Variants in TMC1 observed in about 807,000 individuals in gnomAD.
The protein encoded by TMC1 is transmembrane channel-like protein 1.
A neutral mutation model predicts 105.8 loss-of-function variants in TMC1; 84 were observed. The ratio of observed to expected loss-of-function variants is 0.79; its 90% CI spans 0.67 to 0.95. The LOEUF (loss-of-function observed/expected upper bound fraction) is 0.95, where lower values mean the gene tolerates loss of function less well. TMC1 is among the 40% of genes least tolerant of loss of function. The probability of loss-of-function intolerance (pLI) is 0.00; values close to 1 mark genes in which losing one functional copy is unlikely to be tolerated. For missense variants in TMC1, 817 were observed against 914.1 expected, an observed-to-expected ratio of 0.89 and a Z score of 1.37; for synonymous variants, 315 against 311.5, an observed-to-expected ratio of 1.01 and a Z score of -0.12.
At chr9:72,807,915 G>C (rs922368920) in intron 18 of TMC1, among the ~76,000 whole-genome samples, 1 of 152,136 alleles carries the variant, frequency 6.6e-6, no homozygotes, top group Non-Finnish European at 1.5e-5. Flanking sequence ...TCCATCACCA[G>C]CTTTCCTTCT....
chr9:72,523,861 A>ATG (rs927332076), intron 1 of TMC1, among the ~76,000 whole-genome samples: 2 of 152,240 alleles, frequency 1.3e-5, no homozygotes, highest in Non-Finnish European at 2.9e-5. Context: ...GGCCTGAAAC[A>ATG]GCATATTATA....
chr9:72,621,695 A>G (rs997831290), intron 3 of TMC1, among the ~76,000 whole-genome samples: 8 of 152,230 alleles, frequency 5.3e-5, no homozygotes, highest in African/African-American at 1.9e-4. Flanking sequence ...TCAGTGTCTG[A>G]GAATTTGTTC....
intron 8 of TMC1, among the ~76,000 whole-genome samples, chr9:72,736,745 A>C (rs1827305080): frequency 6.6e-6 from 1 of 152,216 alleles, no homozygotes; most frequent in South Asian, 2.1e-4. Flanking sequence ...CTTGATGCCA[A>C]ATAACTGAAG....
In TMC1 at chr9:72,551,144, A is replaced by G. The variant is rs924897367; in HGVS notation, c.-427-26758A>G. Among the ~76,000 whole-genome samples the G allele has an allele frequency of 2.6e-5, 4 of 152,184 alleles. No individual in the cohort carries two copies. The South Asian group carries it at 6.2e-4, about 24-fold the overall frequency. On this transcript the variant is annotated intron_variant, in intron 1 of 23. Transcript: ENST00000297784. ...GACAAGAAAATAATTGGCCCTGTAG[A>G]GGTTATAAAAGAAGGGTGGTCCTTC... is the stretch of plus-strand genomic sequence containing the variant.
At chr9:72,555,200 T>G (rs970768858) in intron 1 of TMC1, among the ~76,000 whole-genome samples, 25 of 150,124 alleles carry the variant, frequency 1.7e-4, no homozygotes, top group African/African-American at 4.9e-4. Flanking sequence ...TCTGTTTTTT[T>G]TTTTTTTTTT....
At chr9:72,787,047 C>T (rs912074432) in intron 13 of TMC1, among the ~76,000 whole-genome samples, 2 of 150,728 alleles carry the variant, frequency 1.3e-5, no homozygotes, top group African/African-American at 4.9e-5. Flanking sequence ...TTTTGTATGG[C>T]TTTTCATACC....
chr9:72,813,265 A>C (rs1828733321), intron 18 of TMC1, among the ~76,000 whole-genome samples: 1 of 152,170 alleles, frequency 6.6e-6, no homozygotes, highest in African/African-American at 2.4e-5. Context: ...TAAAAATTTA[A>C]AATATAATAT....
chr9:72,752,424 A>G (rs759301683), intron 11 of TMC1, among the ~76,000 whole-genome samples: 7 of 149,944 alleles, frequency 4.7e-5, no homozygotes, highest in African/African-American at 7.5e-5. Flanking sequence ...TCCCCCTAAG[A>G]TACAAAGTAA....
chr9:72,801,449 A>G (rs1025069981), intron 17 of TMC1, among the ~76,000 whole-genome samples: 8 of 152,210 alleles, frequency 5.3e-5, no homozygotes, highest in Non-Finnish European at 1.0e-4. Context: ...CAGGAGCCCC[A>G]GTTCAGCCTA....
At chr9:72,630,255 C>G (rs745746265) in intron 4 of TMC1, among the ~76,000 whole-genome samples, 1 of 152,106 alleles carries the variant, frequency 6.6e-6, no homozygotes, top group African/African-American at 2.4e-5. Context: ...CATGTTAAAA[C>G]TAGGTGTTAT....
chr9:72,815,544 A>G (rs1201855866), intron 18 of TMC1, among the ~76,000 whole-genome samples: 2 of 152,174 alleles, frequency 1.3e-5, no homozygotes, highest in East Asian at 1.9e-4. Context: ...ATTATTTTCC[A>G]GTCTTTGTGC....
chr9:72,617,991 A>G (rs1366027992), intron 3 of TMC1, among the ~76,000 whole-genome samples: 2 of 148,914 alleles, frequency 1.3e-5, no homozygotes, highest in South Asian at 4.3e-4. Context: ...AGGTGAAGAC[A>G]AGGATAGGAG....
chr9:72,562,432 CTATGT>C (rs1290128596), intron 1 of TMC1, among the ~76,000 whole-genome samples: 1 of 152,126 alleles, frequency 6.6e-6, no homozygotes, highest in Non-Finnish European at 1.5e-5. Flanking sequence ...CACCTTTGTG[CTATGT>C]TATATTGTTT....
rs565145736 is a variant in TMC1, at chr9:72,736,669, T to C, written c.363-3450T>C. Among the ~76,000 whole-genome samples, 149 of 152,338 alleles carry C rather than the reference T, an allele frequency of 9.8e-4. 2 individuals carry two copies. The highest frequency in any genetic ancestry group is 8.1e-3 in the South Asian group (39 of 4,828). On this transcript the variant is annotated intron_variant, in intron 8 of 23. Transcript: ENST00000297784. ...GAATTTCCATTTCTCTATTTATATG[T>C]GTTCATTATTCTAGAGATTAATATG... is the stretch of plus-strand genomic sequence containing the variant.
chr9:72,789,024 T>C (rs932556701), intron 14 of TMC1, 99 bp from the exon 15 acceptor site: 1 of 1,180,690 alleles, frequency 8.5e-7, no homozygotes, highest in Middle Eastern at 2.8e-4. Flanking sequence ...CACATTCTGA[T>C]GATTGTAAAA....
chr9:72,806,372 G>A (rs71506000), intron 18 of TMC1, among the ~76,000 whole-genome samples: 221 of 117,062 alleles, frequency 1.9e-3, no homozygotes, highest in African/African-American at 3.2e-3. Context: ...CCTCCCTCCC[G>A]GACGGGGCGG....
chr9:72,558,592 C>T (rs1347300789), intron 1 of TMC1, among the ~76,000 whole-genome samples: 1 of 152,154 alleles, frequency 6.6e-6, no homozygotes, highest in African/African-American at 2.4e-5. Flanking sequence ...AATCTGTTAC[C>T]ACTTGCCATT....
intron 10 of TMC1, among the ~76,000 whole-genome samples, chr9:72,742,970 T>G (rs1827415887): frequency 6.6e-6 from 1 of 152,222 alleles, no homozygotes; most frequent in African/African-American, 2.4e-5. Flanking sequence ...GCGCAGTGGT[T>G]CACGCCTGTA....
chr9:72,656,261 C>A (rs1471401956), intron 5 of TMC1: 2 of 373,658 alleles, frequency 5.4e-6, no homozygotes, highest in Non-Finnish European at 1.0e-5. Flanking sequence ...GGAGCAGGTG[C>A]GGGCGGATCA....
Sources: gnomAD v4.1 joint callset for allele counts (sites outside exome capture counted in the v4.1 genomes callset) on GRCh38, gnomAD v4.1.1 for gene constraint, MANE v1.5 for transcripts, NCBI Gene and HGNC (gene_info 2026-07-23, HGNC 2026-07-21) for gene names.